FAM200C: variants seen among roughly 807,000 people sequenced by gnomAD.
At chr5:160,394,542 C>A in the FAM200C span, 1 of 1,614,134 alleles carries the variant, frequency 6.2e-7, no homozygotes, top group East Asian at 2.2e-5. Flanking sequence ...ATGCCAATTT[C>A]TTCAAAGAAA....
the FAM200C span, among the ~76,000 whole-genome samples, chr5:160,398,803 T>C: frequency 1.3e-5 from 2 of 152,206 alleles, no homozygotes; most frequent in Non-Finnish European, 2.9e-5. Flanking sequence ...TTGTGGTATT[T>C]AGGAATTACA....
At chr5:160,398,422 A>C in the FAM200C span, among the ~76,000 whole-genome samples, 2 of 152,278 alleles carry the variant, frequency 1.3e-5, no homozygotes, top group Non-Finnish European at 2.9e-5. Flanking sequence ...TGGTGATCCC[A>C]GCTACTGGAG....
the FAM200C span, chr5:160,393,807 A>C: frequency 7.5e-6 from 12 of 1,602,594 alleles, no homozygotes; most frequent in African/African-American, 9.4e-5. Context: ...CTCAGATTAA[A>C]GCAGCTTCTG....
chr5:160,399,788 A>C, the FAM200C span: 1 of 152,064 alleles, frequency 6.6e-6, no homozygotes, highest in Non-Finnish European at 1.5e-5. Flanking sequence ...AGGAAAAAAA[A>C]AAAAAAGACT....
chr5:160,397,341 C>T, the FAM200C span: 1 of 152,164 alleles, frequency 6.6e-6, no homozygotes, highest in Non-Finnish European at 1.5e-5. Flanking sequence ...TGATGACAGC[C>T]TCCTATGAAA....
the FAM200C span, chr5:160,394,565 C>T: frequency 2.0e-5 from 32 of 1,613,970 alleles, no homozygotes; most frequent in Admixed American, 3.3e-5. Context: ...CTGAAATAGG[C>T]GATGATTTGG....
chr5:160,396,009 G>C, the FAM200C span, among the ~76,000 whole-genome samples: 1 of 152,124 alleles, frequency 6.6e-6, no homozygotes. Context: ...TAAAATAATT[G>C]TATACATTTA....
chr5:160,393,462 G>C, the FAM200C span: 3 of 462,132 alleles, frequency 6.5e-6, no homozygotes, highest in Admixed American at 1.2e-4. Context: ...TATACCACAC[G>C]AACAGGTTAA....
chr5:160,395,467 A>C, the FAM200C span: 3 of 1,613,980 alleles, frequency 1.9e-6, no homozygotes, highest in Non-Finnish European at 2.5e-6. Context: ...CATAGTCATC[A>C]TCCCATTTGC....
the FAM200C span, chr5:160,394,266 CA>C: frequency 6.2e-7 from 1 of 1,613,602 alleles, no homozygotes; most frequent in African/African-American, 1.3e-5. Flanking sequence ...AACTTCCTAA[CA>C]AAAGCAGATA....
chr5:160,394,851 T>C, the FAM200C span: 10 of 1,613,474 alleles, frequency 6.2e-6, no homozygotes, highest in Non-Finnish European at 8.5e-6. Flanking sequence ...ATTCCTTTCA[T>C]GGATAGCTGC....
chr5:160,395,392 A>G, the FAM200C span: 1 of 1,614,148 alleles, frequency 6.2e-7, no homozygotes, highest in African/African-American at 1.3e-5. Flanking sequence ...ATACTGAGTT[A>G]CACAACACAC....
At chr5:160,394,086 C>A in the FAM200C span, 2 of 1,613,036 alleles carry the variant, frequency 1.2e-6, no homozygotes, top group Non-Finnish European at 1.7e-6. Flanking sequence ...TTACTTGCCT[C>A]ATTAAGATCT....
At chr5:160,393,940 C>T in the FAM200C span, 1 of 1,613,696 alleles carries the variant, frequency 6.2e-7, no homozygotes, top group Admixed American at 1.7e-5. Flanking sequence ...ATTGGGCACA[C>T]CAGAAATCCT....
At chr5:160,395,142 T>G in the FAM200C span, 1 of 1,614,024 alleles carries the variant, frequency 6.2e-7, no homozygotes, top group Non-Finnish European at 8.5e-7. Flanking sequence ...GCACAAGGTT[T>G]CACTAACTTT....
chr5:160,399,066 T>C, the FAM200C span, among the ~76,000 whole-genome samples: 9 of 152,300 alleles, frequency 5.9e-5, no homozygotes, highest in Admixed American at 3.3e-4. Context: ...AGCTGGATGA[T>C]GGGTATACAT....
the FAM200C span, chr5:160,395,530 C>T: frequency 1.3e-6 from 2 of 1,546,544 alleles, no homozygotes; most frequent in Non-Finnish European, 1.8e-6. Context: ...AGAGATGCCA[C>T]AGAATTTTGC....
the FAM200C span, chr5:160,394,128 T>C: frequency 6.2e-7 from 1 of 1,613,742 alleles, no homozygotes; most frequent in Non-Finnish European, 8.5e-7. Flanking sequence ...AAGAAGTTGC[T>C]CAATTGTTGC....
the FAM200C span, chr5:160,397,497 T>C: frequency 6.6e-6 from 1 of 152,202 alleles, no homozygotes; most frequent in East Asian, 1.9e-4. Flanking sequence ...TTTCCAAAGT[T>C]CTGTGCCAGA....
Sources: allele counts gnomAD v4.1 joint callset (sites outside exome capture counted in the v4.1 genomes callset), GRCh38; gene constraint gnomAD v4.1.1; transcripts MANE v1.5.